STK24: variants seen among roughly 807,000 people sequenced by gnomAD.
STK24 encodes serine/threonine-protein kinase 24.
A neutral mutation model predicts 55.6 loss-of-function variants in STK24; 21 were observed. That is an observed-to-expected ratio of 0.38 (90% CI 0.27 to 0.54). The LOEUF is 0.54. STK24 is among the 20% of genes least tolerant of loss of function. The probability of loss-of-function intolerance (pLI) is 0.79; values close to 1 mark genes in which losing one functional copy is unlikely to be tolerated. For synonymous variants in STK24, 200 were observed against 215.2 expected (o/e 0.93, Z 0.62); for missense variants, 383 against 538.4 (o/e 0.71, Z 2.86).
chr13:98,576,063 TCCCGGGGCCGGG>T lies in STK24; in HGVS notation c.42+670_42+681del, dbSNP rs938996785. 1.0e-5 allele frequency: 10 copies of T among 984,296 alleles called. No individual in the cohort carries two copies. In the African/African-American group the frequency reaches 1.6e-4, roughly 16 times the overall value. 61.0% of individuals were successfully genotyped at this position (984,296 alleles called of 1,614,324 possible). ...CAAGTCTCAAAGTGAAAGTCCAGGG[TCCCGGGGCCGGG>T]CCCGGGACCCTGGTGCGCGGCTGTC... is the stretch of plus-strand genomic sequence containing the variant. On this transcript the variant is annotated intron_variant, in intron 1 of 10. Coordinates refer to ENST00000539966, the MANE Select transcript of STK24 (RefSeq NM_001032296.4).
intron 1 of STK24, among the ~76,000 whole-genome samples, chr13:98,572,677 G>T (rs1160453008): frequency 6.6e-6 from 1 of 151,908 alleles, no homozygotes; most frequent in African/African-American, 2.4e-5. Context: ...CAAGCAGCAA[G>T]AAAAACAGAA....
chr13:98,445,465 GGC>G lies in STK24; in HGVS notation c.*7706_*7707del, dbSNP rs1892768133. On this transcript the variant is annotated 3_prime_UTR_variant, in exon 11 of 11. Coordinates refer to ENST00000539966, the MANE Select transcript of STK24 (RefSeq NM_001032296.4). Reference sequence around the variant, plus strand: ...CTAACAATGCTCCAGGGGCTGGGCCGGCCCTGAGCCTGGAGGTGGGCAGGGCT... The same window carrying G: ...CTAACAATGCTCCAGGGGCTGGGCCGCCTGAGCCTGGAGGTGGGCAGGGCT... The G allele has an allele frequency of 6.6e-6, 1 of 152,234 alleles. No individual in the cohort carries two copies. The highest frequency in any genetic ancestry group is 6.5e-5 in the Admixed American group (1 of 15,290). The allele number at this position is 152,234 out of a possible 1,614,324, so 9.4% of individuals were successfully genotyped here. A position where few individuals can be genotyped will look rare whatever the true frequency, so the allele number is the denominator to read the frequency against.
In STK24 at chr13:98,452,990, G is replaced by T; in HGVS notation, c.*183C>A. The T allele has an allele frequency of 1.8e-6, 1 of 543,172 alleles. No homozygotes were observed. The highest frequency in any genetic ancestry group is 3.6e-5 in the Admixed American group (1 of 27,552). The allele number at this position is 543,172 out of a possible 1,614,324, so 33.6% of individuals were successfully genotyped here. The stretch of plus-strand genomic sequence containing the variant: ...GCTGACCCTCCCCACCCATCTGAGA[G>T]ACTTCATCTGGCTGCAGCACAGTGA... On this transcript the variant is annotated 3_prime_UTR_variant, in exon 11 of 11. Coordinates refer to ENST00000539966, the MANE Select transcript of STK24 (RefSeq NM_001032296.4).
intron 3 of STK24, among the ~76,000 whole-genome samples, chr13:98,479,309 C>T (rs527249517): frequency 7.2e-5 from 11 of 152,262 alleles, no homozygotes; most frequent in African/African-American, 2.2e-4. Flanking sequence ...TTTAAATCAA[C>T]GGACTGAGCA....
intron 1 of STK24, among the ~76,000 whole-genome samples, chr13:98,554,319 G>A (rs1897234270): frequency 6.6e-6 from 1 of 152,094 alleles, no homozygotes; most frequent in African/African-American, 2.4e-5. Context: ...TTACAGAACA[G>A]AACTTCCTTT....
chr13:98,542,638 T>TA (rs1168657717), intron 1 of STK24, among the ~76,000 whole-genome samples: 3 of 152,142 alleles, frequency 2.0e-5, no homozygotes, highest in Admixed American at 6.5e-5. Context: ...AAACACACAT[T>TA]AAAAATCATA....
intron 2 of STK24, among the ~76,000 whole-genome samples, chr13:98,511,439 C>T (rs766994731): frequency 6.6e-6 from 1 of 152,202 alleles, no homozygotes; most frequent in East Asian, 1.9e-4. Context: ...AATACCTATC[C>T]TACTCATAAG....
intron 1 of STK24, among the ~76,000 whole-genome samples, chr13:98,528,710 A>G (rs965405282): frequency 6.6e-6 from 1 of 152,224 alleles, no homozygotes; most frequent in African/African-American, 2.4e-5. Context: ...TGGCATTACC[A>G]ATCAACTTTC....
intron 2 of STK24, among the ~76,000 whole-genome samples, chr13:98,517,131 A>C (rs1409339848): frequency 6.6e-6 from 1 of 152,232 alleles, no homozygotes; most frequent in African/African-American, 2.4e-5. Flanking sequence ...TAAATCACCA[A>C]ATATTTGTCA....
chr13:98,537,442 C>G (rs1896766389), intron 1 of STK24, among the ~76,000 whole-genome samples: 1 of 152,242 alleles, frequency 6.6e-6, no homozygotes, highest in Admixed American at 6.5e-5. Flanking sequence ...GCTGAATAAA[C>G]AAGTGAGGCG....
intron 1 of STK24, among the ~76,000 whole-genome samples, chr13:98,564,333 A>G (rs778239202): frequency 3.3e-5 from 5 of 152,186 alleles, no homozygotes; most frequent in Non-Finnish European, 7.3e-5. Flanking sequence ...AGCTAAGAGG[A>G]GCTGGACAGA....
chr13:98,530,819 C>G (rs1185357994), intron 1 of STK24, among the ~76,000 whole-genome samples: 1 of 152,180 alleles, frequency 6.6e-6, no homozygotes, highest in Non-Finnish European at 1.5e-5. Context: ...TCAGCAAGCA[C>G]ACTGAAGAAC....
At chr13:98,498,761 T>G (rs1169949817) in intron 2 of STK24, among the ~76,000 whole-genome samples, 1 of 152,172 alleles carries the variant, frequency 6.6e-6, no homozygotes, top group Non-Finnish European at 1.5e-5. Flanking sequence ...AGGCATTACC[T>G]GCCCATGTCC....
intron 1 of STK24, among the ~76,000 whole-genome samples, chr13:98,554,123 A>C (rs920815487): frequency 6.6e-6 from 1 of 151,908 alleles, no homozygotes; most frequent in Non-Finnish European, 1.5e-5. Flanking sequence ...ATGATGATGA[A>C]TTGGTCCTGG....
chr13:98,484,011 G>A (rs1202214398), intron 2 of STK24, among the ~76,000 whole-genome samples: 2 of 152,162 alleles, frequency 1.3e-5, no homozygotes, highest in East Asian at 1.9e-4. Context: ...GGACAAGTGC[G>A]GAAACCTCGA....
chr13:98,537,747 G>A (rs769888951), intron 1 of STK24, among the ~76,000 whole-genome samples: 20 of 152,084 alleles, frequency 1.3e-4, no homozygotes, highest in Non-Finnish European at 2.9e-4. Flanking sequence ...AGGGGCTGAG[G>A]GCTCAGCTCC....
intron 6 of STK24, 73 bp downstream of exon 6, chr13:98,466,303 A>G: frequency 6.8e-7 from 1 of 1,460,390 alleles, no homozygotes; most frequent in South Asian, 1.4e-5. Flanking sequence ...GATTAAAGCA[A>G]TCCCAACAGG....
At chr13:98,558,052 A>G (rs1361383240) in intron 1 of STK24, among the ~76,000 whole-genome samples, 1 of 152,110 alleles carries the variant, frequency 6.6e-6, no homozygotes, top group Non-Finnish European at 1.5e-5. Flanking sequence ...ACTTCCATAA[A>G]TGCATTTTTT....
At chr13:98,455,768 A>G (rs1484368209) in intron 10 of STK24, 3 of 152,268 alleles carry the variant, frequency 2.0e-5, no homozygotes, top group African/African-American at 7.2e-5. Context: ...ATTTCAGGCA[A>G]TTCTGGACAG....
Sources: gnomAD v4.1 joint callset for allele counts (sites outside exome capture counted in the v4.1 genomes callset) on GRCh38, gnomAD v4.1.1 for gene constraint, MANE v1.5 for transcripts, NCBI Gene and HGNC (gene_info 2026-07-23, HGNC 2026-07-21) for gene names.